MYT1L: variants seen among roughly 807,000 people sequenced by gnomAD.
MYT1L encodes myelin transcription factor 1-like protein.
Under a neutral mutation model 126.7 loss-of-function variants are expected in MYT1L, and 12 were observed. The observed-to-expected ratio is 0.09, with a 90% CI of 0.06 to 0.15. The LOEUF (loss-of-function observed/expected upper bound fraction) is 0.15. Ranked by LOEUF, MYT1L falls within the 10% of genes least tolerant of loss-of-function variation. The pLI is 1.00. For synonymous variants in MYT1L, 541 were observed against 604.2 expected, an observed-to-expected ratio of 0.90 and a Z score of 1.53; for missense variants, 979 against 1,585.2, an observed-to-expected ratio of 0.62 and a Z score of 6.49.
intron 3 of MYT1L, among the ~76,000 whole-genome samples, chr2:2,088,948 T>A (rs1453530775): frequency 6.6e-6 from 1 of 152,214 alleles, no homozygotes; most frequent in South Asian, 2.1e-4. Context: ...TTTGCTTTTT[T>A]AAAAAGTAAA....
rs551270962 is a variant in MYT1L at position 2,329,211 on chromosome 2, A to G, written c.-521+1756T>C. Among the ~76,000 whole-genome samples the G allele has an allele frequency of 1.5e-4, 22 of 151,712 alleles. 1 individual carries two copies. The highest frequency in any genetic ancestry group is 1.3e-4 in the Non-Finnish European group (9 of 67,970). The stretch of plus-strand genomic sequence containing the variant: ...GCAGCCAACTCTAAATCCTACTATA[A>G]TCACATTAATGAGATTAATCAGTGA... On this transcript the variant is annotated intron_variant, in intron 1 of 24. Transcript: ENST00000647738.
Position 2,125,233 on chromosome 2 carries a change from CT to C in MYT1L, c.-304+47638del, listed in dbSNP as rs371148760. ...CCCTCACTGCTGGGGTGGTCCAGGC[CT>C]TAGTGAGTGGGGGTCTACTTGCCAC... On this transcript the variant is annotated intron_variant, in intron 3 of 24. Transcript: ENST00000647738. 6.0e-3 allele frequency among the ~76,000 whole-genome samples: 915 copies of C among 152,262 alleles called. 11 individuals carry two copies. The highest frequency in any genetic ancestry group is 0.021 in the African/African-American group (880 of 41,544).
intron 8 of MYT1L, among the ~76,000 whole-genome samples, chr2:1,962,050 T>C (rs2059001704): frequency 6.6e-6 from 1 of 152,230 alleles, no homozygotes; most frequent in Admixed American, 6.5e-5. Context: ...ATGTACTAAA[T>C]TATCACATGT....
intron 2 of MYT1L, among the ~76,000 whole-genome samples, chr2:2,192,566 C>T (rs537837198): frequency 1.2e-4 from 19 of 152,258 alleles, no homozygotes; most frequent in Non-Finnish European, 2.5e-4. Flanking sequence ...GGGTGGATAT[C>T]GTCACATACT....
chr2:1,810,677 T>C (rs1053395384), intron 21 of MYT1L, among the ~76,000 whole-genome samples: 7 of 152,192 alleles, frequency 4.6e-5, no homozygotes, highest in Non-Finnish European at 1.0e-4. Context: ...GTAATACATT[T>C]TCTTTTAAAA....
At chr2:1,930,832 G>T (rs1283940799) in intron 9 of MYT1L, among the ~76,000 whole-genome samples, 1 of 152,158 alleles carries the variant, frequency 6.6e-6, no homozygotes, top group African/African-American at 2.4e-5. Context: ...AGGTAAACGC[G>T]TGTTGCAGGG....
At chr2:1,860,364 G>C (rs1186672089) in intron 18 of MYT1L, among the ~76,000 whole-genome samples, 1 of 151,948 alleles carries the variant, frequency 6.6e-6, no homozygotes, top group Non-Finnish European at 1.5e-5. Flanking sequence ...CAACAGAAAC[G>C]CCACCCCAGC....
chr2:2,232,917 TGTATTTCTTATCACTCTGGACCTTCA>T (rs2094194364), intron 2 of MYT1L, among the ~76,000 whole-genome samples: 1 of 152,142 alleles, frequency 6.6e-6, no homozygotes, highest in Non-Finnish European at 1.5e-5. Context: ...CCACCTAAGT[TGTATTTCTTATCACTCTGGACCTTCA>T]GAGGTCTCTG....
At chr2:2,163,732 C>T (rs111259560) in intron 3 of MYT1L, among the ~76,000 whole-genome samples, 6 of 148,706 alleles carry the variant, frequency 4.0e-5, no homozygotes, top group Non-Finnish European at 8.9e-5. Context: ...AGTGAGACTC[C>T]GTCTCAGAAA....
chr2:2,101,910 G>T (rs2078141626), intron 3 of MYT1L, among the ~76,000 whole-genome samples: 1 of 152,230 alleles, frequency 6.6e-6, no homozygotes, highest in African/African-American at 2.4e-5. Context: ...GGGATCACCA[G>T]TCATAACCTT....
intron 3 of MYT1L, among the ~76,000 whole-genome samples, chr2:2,132,966 G>A (rs1372952766): frequency 6.6e-6 from 1 of 152,042 alleles, no homozygotes. Context: ...CTTCTTTGCT[G>A]GAGTTGTCTC....
chr2:1,889,396 T>C lies in MYT1L; in HGVS notation c.2365A>G (p.Ile789Val), dbSNP rs372748061. The C allele has an allele frequency of 1.1e-5, 18 of 1,613,832 alleles. No individual in the cohort carries two copies. Among genetic ancestry groups the C allele is most frequent in the Non-Finnish European group, 1.3e-5 (15 of 1,179,900 alleles). Residue 789 changes from isoleucine to valine, a missense_variant, in exon 16 of 25, where the codon ATC (isoleucine) becomes GTC (valine). Coordinates refer to ENST00000647738, the MANE Select transcript of MYT1L (RefSeq NM_001303052.2). The surrounding 1 kb of genome is among the most constrained non-coding windows in gnomAD (Gnocchi z 4.1). ...KQRPRDSCCP[I>V]LTPLEPMSPQ... ...GACATGGGCTCCAGAGGGGTCAGGATGGGGCAGCAGCTGTCCCGCGGCCTC... is the reference window on the plus strand; with the variant it reads ...GACATGGGCTCCAGAGGGGTCAGGACGGGGCAGCAGCTGTCCCGCGGCCTC...
Position 1,793,072 on chromosome 2 carries a change from C to T in MYT1L, c.3277-608G>A, listed in dbSNP as rs1302149396. ...TGATGCGAATACTTCTCCTTTCTAG[C>T]CTGAATAAAATTCTGCCACAGCTAA... On this transcript the variant is annotated intron_variant, in intron 23 of 24. Coordinates refer to ENST00000647738, the MANE Select transcript of MYT1L (RefSeq NM_001303052.2). The surrounding 1 kb of genome is among the most constrained non-coding windows in gnomAD (Gnocchi z 4.6). 6.6e-6 allele frequency among the ~76,000 whole-genome samples: 1 copy of T among 152,010 alleles called. No homozygotes were observed. The highest frequency in any genetic ancestry group is 1.5e-5 in the Non-Finnish European group (1 of 67,990).
intron 2 of MYT1L, among the ~76,000 whole-genome samples, chr2:2,229,776 T>C (rs1482468164): frequency 6.6e-6 from 1 of 152,174 alleles, no homozygotes; most frequent in Non-Finnish European, 1.5e-5. Context: ...GCACACAACA[T>C]AGCTGCTCCC....
intron 18 of MYT1L, among the ~76,000 whole-genome samples, chr2:1,877,490 A>G (rs753797908): frequency 6.6e-6 from 1 of 152,064 alleles, no homozygotes; most frequent in Non-Finnish European, 1.5e-5. Context: ...CTCGACTGAT[A>G]TTTTCTCCCC....
intron 2 of MYT1L, among the ~76,000 whole-genome samples, chr2:2,242,151 G>A (rs576927609): frequency 2.6e-5 from 4 of 152,246 alleles, no homozygotes; most frequent in Admixed American, 2.6e-4. Flanking sequence ...TAAGTAACTG[G>A]AAGATCAGAG....
intron 8 of MYT1L, among the ~76,000 whole-genome samples, chr2:1,955,534 G>A (rs1288889954): frequency 6.6e-6 from 1 of 152,166 alleles, no homozygotes; most frequent in East Asian, 1.9e-4. Context: ...TTTCTAGCAA[G>A]TTAGTGCAAG....
intron 19 of MYT1L, among the ~76,000 whole-genome samples, chr2:1,847,739 C>G (rs2042691450): frequency 6.6e-6 from 1 of 152,120 alleles, no homozygotes; most frequent in African/African-American, 2.4e-5. Flanking sequence ...GACATGGAAG[C>G]CTTTGTAGGC....
At chr2:2,026,248 C>T (rs1348031744) in intron 4 of MYT1L, among the ~76,000 whole-genome samples, 1 of 152,224 alleles carries the variant, frequency 6.6e-6, no homozygotes, top group Non-Finnish European at 1.5e-5. Flanking sequence ...GTCCCCTCCA[C>T]TGTGTGACAA....
Sources: gnomAD v4.1 joint callset for allele counts (sites outside exome capture counted in the v4.1 genomes callset) on GRCh38, gnomAD v4.1.1 for gene constraint, Gnocchi (gnomAD v3.1) non-coding constraint, MANE v1.5 for transcripts, NCBI Gene and HGNC (gene_info 2026-07-23, HGNC 2026-07-21) for gene names.